The following NPC1 variants were observed in gnomAD, a reference collection of about 807,000 sequenced individuals.
The protein encoded by NPC1 is NPC intracellular cholesterol transporter 1, also known as Niemann-Pick C1 protein.
A neutral mutation model predicts 140.4 loss-of-function variants in NPC1; 85 were observed. The observed-to-expected ratio is 0.61, with a 90% CI of 0.51 to 0.72. NPC1 has a LOEUF of 0.72. Ranked by LOEUF, NPC1 falls within the 30% of genes least tolerant of loss-of-function variation. The pLI, the probability that NPC1 is intolerant of heterozygous loss-of-function variation, is 0.00. For missense variants in NPC1, 1,504 were observed against 1,623.8 expected, an observed-to-expected ratio of 0.93 and a Z score of 1.27; for synonymous variants, 656 against 624.8, an observed-to-expected ratio of 1.05 and a Z score of -0.74.
At chr18:23,557,010 C>T in intron 7 of NPC1, 107 bp downstream of exon 7, 1 of 934,664 alleles carries the variant, frequency 1.1e-6, no homozygotes, top group Non-Finnish European at 1.7e-6. Flanking sequence ...GTGTCCTCGG[C>T]ACTGGCACAC....
At chr18:23,566,107 A>G (rs1229444335) in intron 4 of NPC1, among the ~76,000 whole-genome samples, 1 of 152,176 alleles carries the variant, frequency 6.6e-6, no homozygotes, top group African/African-American at 2.4e-5. Flanking sequence ...TCAACATTAA[A>G]AAAATAATGG....
At chr18:23,584,431 A>G (rs1015957294) in intron 1 of NPC1, among the ~76,000 whole-genome samples, 2 of 152,260 alleles carry the variant, frequency 1.3e-5, no homozygotes, top group Non-Finnish European at 2.9e-5. Flanking sequence ...TAAGGTTTAC[A>G]GACCTTGAAA....
In NPC1 at chr18:23,516,532, AAGG is replaced by A. The variant is rs2058010410; in HGVS notation, c.432-9893_432-9891del. ...TGATGCCCTGACCCCTAGAACACAT[AAGG>A]AGGACTCCCCTTGTTCTGGGTATTC... On this transcript the variant is annotated intron_variant, in intron 3 of 3. Coordinates refer to the NPC1 transcript ENST00000591107. The A allele has an allele frequency of 1.9e-5, 21 of 1,083,868 alleles. No individual in the cohort carries two copies. In the South Asian group the frequency reaches 2.5e-4, roughly 13 times the overall value. 67.1% of individuals were successfully genotyped at this position (1,083,868 alleles called of 1,614,324 possible).
At chr18:23,576,067 T>C (rs2059272992) in intron 1 of NPC1, among the ~76,000 whole-genome samples, 1 of 151,646 alleles carries the variant, frequency 6.6e-6, no homozygotes, top group Non-Finnish European at 1.5e-5. Flanking sequence ...CTACTGAAAA[T>C]ACAAAATTAG....
chr18:23,573,214 C>T (rs1299144729), intron 2 of NPC1, among the ~76,000 whole-genome samples: 3 of 152,212 alleles, frequency 2.0e-5, no homozygotes, highest in African/African-American at 7.2e-5. Flanking sequence ...AAATAGCAAC[C>T]TGCTATTGGG....
At chr18:23,520,377 G>T, downstream of NPC1, 2 of 1,318,626 alleles carry the variant, frequency 1.5e-6, no homozygotes, top group Non-Finnish European at 2.2e-6. Context: ...TTCTCACCAT[G>T]ATCTTTGGGA....
At chr18:23,569,968 A>G (rs144598962) in intron 3 of NPC1, among the ~76,000 whole-genome samples, 4 of 152,340 alleles carry the variant, frequency 2.6e-5, no homozygotes, top group Non-Finnish European at 4.4e-5. Context: ...TGCAATCAAG[A>G]TTACTTTAGA....
At chr18:23,583,454 T>C (rs2059380466) in intron 1 of NPC1, among the ~76,000 whole-genome samples, 1 of 152,066 alleles carries the variant, frequency 6.6e-6, no homozygotes, top group Admixed American at 6.6e-5. Context: ...AGGACAAGAA[T>C]GTCGTAGATA....
chr18:23,564,659 A>C (rs990911105), intron 4 of NPC1, among the ~76,000 whole-genome samples: 4 of 152,112 alleles, frequency 2.6e-5, no homozygotes, highest in East Asian at 3.9e-4. Context: ...CTGAAATACA[A>C]ACTTTTTTAT....
chr18:23,506,559 T>C (rs1267879832), exon 4 of NPC1: 1 of 186,326 alleles, frequency 5.4e-6, no homozygotes, highest in Non-Finnish European at 1.1e-5. Context: ...GAGGCGGTCA[T>C]GAGACACTGT....
intron 7 of NPC1, 108 bp downstream of exon 7, chr18:23,557,009 G>A: frequency 1.1e-6 from 1 of 929,822 alleles, no homozygotes; most frequent in South Asian, 1.4e-5. Context: ...CGTGTCCTCG[G>A]CACTGGCACA....
chr18:23,534,520 T>C lies in NPC1; in HGVS notation c.3517A>G (p.Arg1173Gly), dbSNP rs1230025923. 1.2e-6 allele frequency: 2 copies of C among 1,614,026 alleles called. No individual in the cohort carries two copies. Among genetic ancestry groups the C allele is most frequent in the Non-Finnish European group, 1.7e-6 (2 of 1,180,020 alleles). The stretch of plus-strand genomic sequence containing the variant: ...CCTTTCATGCTCACCGTGAACGCTC[T>C]GGTTATGTGGCTGCAGAACTCCACG... The part of the protein sequence containing the change: ...ISVEFCSHIT[R>G]AFTVSMKGSR... Residue 1173 changes from arginine to glycine, a missense_variant, in exon 23 of 25, where the codon AGA becomes GGA. Physicochemically the swap from Arg to Gly is moderately radical, Grantham distance 125. Coordinates refer to ENST00000269228, the MANE Select transcript of NPC1 (RefSeq NM_000271.5).
At chr18:23,529,598 CGTT>C (rs773911694), downstream of NPC1, 2 of 1,553,914 alleles carry the variant, frequency 1.3e-6, no homozygotes, top group African/African-American at 2.7e-5. Flanking sequence ...TTTTGCACCT[CGTT>C]GGTATTTGTA....
At chr18:23,542,092 A>AT (rs2145386887) in intron 14 of NPC1, among the ~76,000 whole-genome samples, 1 of 152,254 alleles carries the variant, frequency 6.6e-6, no homozygotes, top group South Asian at 2.1e-4. Context: ...GGCCACACAC[A>AT]TAACTGTCTT....
intron 1 of NPC1, among the ~76,000 whole-genome samples, chr18:23,575,361 G>A (rs2059259802): frequency 6.6e-6 from 1 of 152,182 alleles, no homozygotes; most frequent in South Asian, 2.1e-4. Flanking sequence ...TGAGAAGGCG[G>A]CACGGAGTGG....
At chr18:23,549,070 T>G (rs552047723) in intron 10 of NPC1, among the ~76,000 whole-genome samples, 13 of 152,154 alleles carry the variant, frequency 8.5e-5, no homozygotes, top group African/African-American at 3.1e-4. Flanking sequence ...ATTATAGGCA[T>G]GAGCCACTGC....
At chr18:23,557,513 T>C (rs1018834928) in intron 6 of NPC1, among the ~76,000 whole-genome samples, 1 of 152,220 alleles carries the variant, frequency 6.6e-6, no homozygotes, top group Admixed American at 6.5e-5. Context: ...CCCAGCACTT[T>C]GGGAGGCCAA....
At chr18:23,561,232 G>C (rs1308524549) in intron 5 of NPC1, 128 bp downstream of exon 5, 2 of 953,810 alleles carry the variant, frequency 2.1e-6, no homozygotes, top group Non-Finnish European at 3.4e-6. Flanking sequence ...GGCTGGTCTG[G>C]AACTCCTGGT....
intron 14 of NPC1, 87 bp from the exon 15 acceptor site, chr18:23,541,520 C>T (rs2058713928): frequency 6.3e-7 from 1 of 1,574,948 alleles, no homozygotes; most frequent in South Asian, 1.1e-5. Flanking sequence ...TGTACAGATA[C>T]AAGGAGCCAG....
Sources: gnomAD v4.1 joint callset for allele counts (sites outside exome capture counted in the v4.1 genomes callset) on GRCh38, gnomAD v4.1.1 for gene constraint, MANE v1.5 for transcripts, NCBI Gene and HGNC (gene_info 2026-07-23, HGNC 2026-07-21) for gene names.